The following ZNF660 variants were observed in gnomAD, a reference collection of about 807,000 sequenced individuals.
ZNF660 encodes the protein zinc finger protein 660.
A neutral mutation model predicts 23.2 loss-of-function variants in ZNF660; 24 were observed. The ratio of observed to expected loss-of-function variants is 1.04; its 90% CI spans 0.75 to 1.46. ZNF660 has a LOEUF of 1.46. ZNF660 is among the 40% of genes most tolerant of loss of function. ZNF660 has a pLI of 0.00. For missense variants in ZNF660, 373 were observed against 396.8 expected (o/e 0.94, Z 0.51); for synonymous variants, 117 against 131.4 (o/e 0.89, Z 0.75).
rs1214630595 is a variant in ZNF660 at position 44,595,083 on chromosome 3, C to G, written c.890C>G (p.Thr297Ser). Reference sequence around the variant, plus strand: ...GTTATTCTACACTTGAGAACCCACACTAAGGAGAAACCCTATAAATGTAGT... The same window carrying G: ...GTTATTCTACACTTGAGAACCCACAGTAAGGAGAAACCCTATAAATGTAGT... ...SQVILHLRTH[T>S]KEKPYKCSEC... is the part of the protein sequence containing the mutation. The change falls in exon 3 of 3, where the codon ACT (threonine) becomes AGT (serine). Residue 297 changes from threonine (T) to serine (S), a missense_variant. Physicochemically the swap from Thr to Ser is moderately conservative, Grantham distance 58. Coordinates refer to ENST00000322734, the MANE Select transcript of ZNF660 (RefSeq NM_173658.4). 2 of 1,613,662 alleles carry G rather than the reference C, an allele frequency of 1.2e-6. No homozygotes were observed. The highest frequency in any genetic ancestry group is 1.7e-6 in the Non-Finnish European group (2 of 1,179,926).
chr3:44,595,337 T>C lies in ZNF660; in HGVS notation c.*148T>C, dbSNP rs1382434727. On this transcript the variant is annotated 3_prime_UTR_variant, in exon 3 of 3. Transcript: ENST00000322734. Reference sequence around the variant, plus strand: ...CAAAGATTAATGAAAGGGATGTTCATGACAGCATCATATACGACTGAAAGA... The same window carrying C: ...CAAAGATTAATGAAAGGGATGTTCACGACAGCATCATATACGACTGAAAGA... 2.2e-6 allele frequency: 2 copies of C among 911,218 alleles called. No individual in the cohort carries two copies. The highest frequency in any genetic ancestry group is 3.2e-6 in the Non-Finnish European group (2 of 629,886). 56.4% of individuals were successfully genotyped at this position (911,218 alleles called of 1,614,324 possible).
In ZNF660 at chr3:44,594,547, G is replaced by T. The variant is rs1344525749; in HGVS notation, c.354G>T (p.Lys118Asn). ...CSECGKSFSG[K>N]SHLIRHQGIH... ...AATGTGGGAAATCTTTCAGTGGAAA[G>T]TCACATCTTATTCGGCACCAGGGAA... is the stretch of plus-strand genomic sequence containing the variant. The change falls in exon 3 of 3, where the codon AAG becomes AAT. Residue 118 changes from lysine to asparagine, a missense_variant. Coordinates refer to ENST00000322734, the MANE Select transcript of ZNF660 (RefSeq NM_173658.4). The T allele has an allele frequency of 1.2e-6, 2 of 1,614,108 alleles. No homozygotes were observed. Among genetic ancestry groups the T allele is most frequent in the South Asian group, 1.1e-5 (1 of 91,084 alleles).
At chr3:44,589,000 C>T (rs936937917) in intron 2 of ZNF660, among the ~76,000 whole-genome samples, 1 of 152,210 alleles carries the variant, frequency 6.6e-6, no homozygotes, top group Non-Finnish European at 1.5e-5. Context: ...GTGCGTTATA[C>T]ATCTGGATGC....
In ZNF660 at chr3:44,591,136, CT is replaced by C. The variant is rs1213632104; in HGVS notation, c.-180-2868del. On this transcript the variant is annotated intron_variant, in intron 2 of 2. Coordinates refer to ENST00000322734, the MANE Select transcript of ZNF660 (RefSeq NM_173658.4). ...CTGTGGGACATGGAAATTGGTCAAA[CT>C]TTTTTTTTTGAGACAAAGTCTTGCT... Among the ~76,000 whole-genome samples, 11 of 150,030 alleles carry C rather than the reference CT, an allele frequency of 7.3e-5. No homozygotes were observed. In the South Asian group the frequency reaches 1.3e-3, roughly 17 times the overall value.
rs543227302 is a variant in ZNF660, at chr3:44,593,946, C to T, written c.-180-68C>T. ...TTCCATATGGCTACCACATCTTGTCCGTGGATAGATCTCCTTCCTCTGGTA... is the reference window on the plus strand; with the variant it reads ...TTCCATATGGCTACCACATCTTGTCTGTGGATAGATCTCCTTCCTCTGGTA... On this transcript the variant is annotated intron_variant, in intron 2 of 2. Transcript: ENST00000322734. 1.5e-4 allele frequency: 86 copies of T among 592,468 alleles called. 1 individual carries two copies. The highest frequency in any genetic ancestry group is 8.4e-4 in the South Asian group (55 of 65,174). The allele number at this position is 592,468 out of a possible 1,614,324, so 36.7% of individuals were successfully genotyped here.
At position 44,589,267 on chromosome 3, in the gene ZNF660, G is replaced by A. The variant is rs551001401; in HGVS notation, c.-181+3054G>A. ...GTTCTTATCCTAATTTCACTTTTGG[G>A]TAGGATAATGCAAAATTTATTGTCC... On this transcript the variant is annotated intron_variant, in intron 2 of 2. Transcript: ENST00000322734. 5.3e-5 allele frequency among the ~76,000 whole-genome samples: 8 copies of A among 152,224 alleles called. 1 individual carries two copies. The South Asian group carries it at 1.7e-3, about 32-fold the overall frequency.
intron 2 of ZNF660, among the ~76,000 whole-genome samples, chr3:44,588,077 G>C (rs1246743801): frequency 6.6e-6 from 1 of 152,106 alleles, no homozygotes; most frequent in Non-Finnish European, 1.5e-5. Flanking sequence ...AAGAAAGAAA[G>C]AAAGAAATAC....
chr3:44,590,430 TTTC>T (rs1417724454), intron 2 of ZNF660, among the ~76,000 whole-genome samples: 1 of 152,130 alleles, frequency 6.6e-6, no homozygotes, highest in Non-Finnish European at 1.5e-5. Context: ...GTAAGAGAAC[TTTC>T]TTGTGTTTCT....
rs763325432 is a variant in ZNF660, at chr3:44,594,783, A to G, written c.590A>G (p.Lys197Arg). 6.2e-7 allele frequency: 1 copy of G among 1,614,170 alleles called. No homozygotes were observed. Among genetic ancestry groups the G allele is most frequent in the East Asian group, 2.2e-5 (1 of 44,878 alleles). Residue 197 changes from lysine (K) to arginine (R), a missense_variant, in exon 3 of 3, where the codon AAA (lysine) becomes AGA (arginine). Coordinates refer to ENST00000322734, the MANE Select transcript of ZNF660 (RefSeq NM_173658.4). ...KKVYKCKECG[K>R]TCGSNTKIMD... ...GTTTACAAATGTAAGGAGTGTGGGAAAACATGTGGTTCTAATACAAAGATT... is the reference window on the plus strand; with the variant it reads ...GTTTACAAATGTAAGGAGTGTGGGAGAACATGTGGTTCTAATACAAAGATT...
chr3:44,594,557 A>T lies in ZNF660; in HGVS notation c.364A>T (p.Ile122Phe). Residue 122 changes from isoleucine to phenylalanine, a missense_variant, in exon 3 of 3, where the codon ATT becomes TTT. Transcript: ENST00000322734. ...GKSFSGKSHL[I>F]RHQGIHSGEK... ...ATCTTTCAGTGGAAAGTCACATCTT[A>T]TTCGGCACCAGGGAATCCACAGTGG... The T allele has an allele frequency of 6.2e-7, 1 of 1,614,132 alleles. No homozygotes were observed. Among genetic ancestry groups the T allele is most frequent in the Non-Finnish European group, 8.5e-7 (1 of 1,180,008 alleles).
In ZNF660 at chr3:44,595,874, C is replaced by T. The variant is rs775622431; in HGVS notation, c.*685C>T. 8.6e-4 allele frequency: 144 copies of T among 167,082 alleles called. No homozygotes were observed. The highest frequency in any genetic ancestry group is 3.4e-3 in the Middle Eastern group (1 of 296). 10.3% of individuals were successfully genotyped at this position (167,082 alleles called of 1,614,324 possible). A position where few individuals can be genotyped will look rare whatever the true frequency, so the allele number is the denominator to read the frequency against. Reference sequence around the variant, plus strand: ...TCCTGTTAAGTAAAATCATAAACACCGATCCTTTGTCCTTTTTAGTTTTAA... The same window carrying T: ...TCCTGTTAAGTAAAATCATAAACACTGATCCTTTGTCCTTTTTAGTTTTAA... On this transcript the variant is annotated 3_prime_UTR_variant, in exon 3 of 3. Coordinates refer to ENST00000322734, the MANE Select transcript of ZNF660 (RefSeq NM_173658.4).
Position 44,599,171 on chromosome 3 carries a change from G to A in ZNF660, c.*3982G>A, listed in dbSNP as rs2125759722. ...GAATATTCCTGAGGAATATAAAGAGGCAATAATTTTAGCCACAGACATCCT... is the reference window on the plus strand; with the variant it reads ...GAATATTCCTGAGGAATATAAAGAGACAATAATTTTAGCCACAGACATCCT... On this transcript the variant is annotated 3_prime_UTR_variant, in exon 3 of 3. Transcript: ENST00000322734. 1 of 152,230 alleles carries A rather than the reference G, an allele frequency of 6.6e-6. No individual in the cohort carries two copies. The highest frequency in any genetic ancestry group is 6.5e-5 in the Admixed American group (1 of 15,290). 9.4% of individuals were successfully genotyped at this position (152,230 alleles called of 1,614,324 possible).
In ZNF660 at chr3:44,599,603, AATAGCCTCTG is replaced by A. The variant is rs1297417146; in HGVS notation, c.*4417_*4426del. ...TGTTTTTAGTCGCCAGACTGTCTTT[AATAGCCTCTG>A]ATGTTATAAAACTGGAGTCATGAAA... is the stretch of plus-strand genomic sequence containing the variant. On this transcript the variant is annotated 3_prime_UTR_variant, in exon 3 of 3. Coordinates refer to ENST00000322734, the MANE Select transcript of ZNF660 (RefSeq NM_173658.4). 3.3e-5 allele frequency: 5 copies of A among 152,168 alleles called. No individual in the cohort carries two copies. The highest frequency in any genetic ancestry group is 7.4e-5 in the Non-Finnish European group (5 of 68,016). 9.4% of individuals were successfully genotyped at this position (152,168 alleles called of 1,614,324 possible).
At position 44,598,719 on chromosome 3, in the gene ZNF660, C is replaced by T. The variant is rs1700704664; in HGVS notation, c.*3530C>T. The T allele has an allele frequency of 6.6e-6, 1 of 152,182 alleles. No homozygotes were observed. Among genetic ancestry groups the T allele is most frequent in the Non-Finnish European group, 1.5e-5 (1 of 68,054 alleles). 9.4% of individuals were successfully genotyped at this position (152,182 alleles called of 1,614,324 possible). On this transcript the variant is annotated 3_prime_UTR_variant, in exon 3 of 3. Coordinates refer to ENST00000322734, the MANE Select transcript of ZNF660 (RefSeq NM_173658.4). ...ATGTGTTTTCTTCACATTCTTGTTC[C>T]AATGGAAACCGGGCTGTTCCCCAAG... is the stretch of plus-strand genomic sequence containing the variant.
intron 2 of ZNF660, among the ~76,000 whole-genome samples, chr3:44,590,691 A>G (rs961673129): frequency 5.3e-5 from 8 of 152,250 alleles, no homozygotes; most frequent in Non-Finnish European, 1.2e-4. Context: ...TAAGAAATGT[A>G]TGAAGAAAAG....
intron 2 of ZNF660, among the ~76,000 whole-genome samples, chr3:44,588,642 T>G (rs943905617): frequency 6.6e-6 from 1 of 152,030 alleles, no homozygotes; most frequent in Admixed American, 6.6e-5. Flanking sequence ...CACAGGCATA[T>G]GCCACCACAC....
In ZNF660 at chr3:44,597,209, G is replaced by A. The variant is rs565354501; in HGVS notation, c.*2020G>A. Reference sequence around the variant, plus strand: ...TTCTTCATTATACCAAAGTGCCTCTGCCCACCATGGTGGTTCTGTATGTGA... The same window carrying A: ...TTCTTCATTATACCAAAGTGCCTCTACCCACCATGGTGGTTCTGTATGTGA... On this transcript the variant is annotated 3_prime_UTR_variant, in exon 3 of 3. Coordinates refer to ENST00000322734, the MANE Select transcript of ZNF660 (RefSeq NM_173658.4). This position sits in a 1 kb window ranked among gnomAD's most constrained non-coding sequence, Gnocchi z 4.1. 6.6e-6 allele frequency: 1 copy of A among 152,278 alleles called. No homozygotes were observed. The highest frequency in any genetic ancestry group is 2.1e-4 in the South Asian group (1 of 4,820). The allele number at this position is 152,278 out of a possible 1,614,324, so 9.4% of individuals were successfully genotyped here.
rs1700730528 is a variant in ZNF660, at chr3:44,599,563, G to A, written c.*4374G>A. The A allele has an allele frequency of 6.6e-6, 1 of 152,078 alleles. No individual in the cohort carries two copies. Among genetic ancestry groups the A allele is most frequent in the South Asian group, 2.1e-4 (1 of 4,820 alleles). The allele number at this position is 152,078 out of a possible 1,614,324, so 9.4% of individuals were successfully genotyped here. ...CCATTTAATATAAAATTTAAAAGATGCCCATATTGTCAGTTGTTTTTAGTC... is the reference window on the plus strand; with the variant it reads ...CCATTTAATATAAAATTTAAAAGATACCCATATTGTCAGTTGTTTTTAGTC... On this transcript the variant is annotated 3_prime_UTR_variant, in exon 3 of 3. Coordinates refer to ENST00000322734, the MANE Select transcript of ZNF660 (RefSeq NM_173658.4).
At position 44,595,144 on chromosome 3, in the gene ZNF660, T is replaced by C. The variant is rs138649552; in HGVS notation, c.951T>C (p.Leu317=). ...CGKAYRYSSQ[L]IQHQRKHNEE... ...AAGCCTATCGGTATAGTTCACAGCT[T>C]ATTCAACACCAGAGGAAACATAATG... Residue 317 remains leucine, a synonymous_variant, in exon 3 of 3, where the codon CTT becomes CTC. Transcript: ENST00000322734. 7.9e-5 allele frequency: 127 copies of C among 1,601,904 alleles called. 1 individual carries two copies. In the African/African-American group the frequency reaches 1.5e-3, roughly 20 times the overall value.
Sources: gnomAD v4.1 joint callset for allele counts (sites outside exome capture counted in the v4.1 genomes callset) on GRCh38, gnomAD v4.1.1 for gene constraint, Gnocchi (gnomAD v3.1) non-coding constraint, MANE v1.5 for transcripts, NCBI Gene and HGNC (gene_info 2026-07-23, HGNC 2026-07-21) for gene names.